KAT14: variants seen among roughly 807,000 people sequenced by gnomAD.
KAT14 encodes the protein lysine acetyltransferase 14.
KAT14 carries 66 observed loss-of-function variants against 78.4 expected under a neutral mutation model. The ratio of observed to expected loss-of-function variants is 0.84; its 90% CI spans 0.69 to 1.03. KAT14 has a LOEUF of 1.03. KAT14 is among the 50% of genes least tolerant of loss of function. The pLI is 0.00. For missense variants in KAT14, 870 were observed against 972.5 expected (o/e 0.89, Z 1.40); for synonymous variants, 344 against 359.4 (o/e 0.96, Z 0.48).
chr20:18,181,754 G>A lies in KAT14; in HGVS notation c.1713G>A (p.Lys571=), dbSNP rs201959009. The A allele has an allele frequency of 3.1e-6, 5 of 1,614,190 alleles. No homozygotes were observed. The African/African-American group carries it at 6.7e-5, about 22-fold the overall frequency. The stretch of plus-strand genomic sequence containing the variant: ...AGGGATTTCGACACCAGACCACCAA[G>A]TTTTTGTATCGCTTGGTAGGATCAG... The part of the protein sequence containing the change: ...SRKGFRHQTT[K]FLYRLVGSED... The change falls in exon 8 of 11, where the codon AAG becomes AAA. Residue 571 remains lysine, a synonymous_variant. Transcript: ENST00000688188.
chr20:18,143,352 G>A (rs2037663077), intron 2 of KAT14, among the ~76,000 whole-genome samples: 1 of 152,010 alleles, frequency 6.6e-6, no homozygotes, highest in East Asian at 1.9e-4. Context: ...GCAGATTGAA[G>A]GTGTTTTTTG....
At chr20:18,143,378 C>G (rs1406712062) in intron 2 of KAT14, among the ~76,000 whole-genome samples, 1 of 151,940 alleles carries the variant, frequency 6.6e-6, no homozygotes, top group Non-Finnish European at 1.5e-5. Flanking sequence ...TTTCTAGGAC[C>G]AGTCTTTTTT....
intron 4 of KAT14, among the ~76,000 whole-genome samples, chr20:18,152,492 G>T (rs544534776): frequency 1.3e-5 from 2 of 152,152 alleles, no homozygotes; most frequent in South Asian, 2.1e-4. Context: ...CAGGAGAATC[G>T]CTTGAACCTG....
Position 18,161,703 on chromosome 20 carries a change from T to C in KAT14, c.683-120T>C, listed in dbSNP as rs552656599. The stretch of plus-strand genomic sequence containing the variant: ...TTTTGTATTTCTGGGTTTGGGATAC[T>C]CAGCCAATAAGTAAAATGCAAATAT... On this transcript the variant is annotated intron_variant, in intron 5 of 10. Coordinates refer to ENST00000688188, the MANE Select transcript of KAT14 (RefSeq NM_001392073.1). The C allele has an allele frequency of 3.1e-5, 42 of 1,373,238 alleles. No individual in the cohort carries two copies. The African/African-American group carries it at 5.3e-4, about 17-fold the overall frequency. 85.1% of individuals were successfully genotyped at this position (1,373,238 alleles called of 1,614,324 possible).
In KAT14 at chr20:18,187,584, C is replaced by G; in HGVS notation, c.*125C>G. The G allele has an allele frequency of 8.2e-6, 12 of 1,469,622 alleles. No individual in the cohort carries two copies. The highest frequency in any genetic ancestry group is 1.0e-5 in the Non-Finnish European group (11 of 1,101,798). 91.0% of individuals were successfully genotyped at this position (1,469,622 alleles called of 1,614,324 possible). A position where few individuals can be genotyped will look rare whatever the true frequency, so the allele number is the denominator to read the frequency against. ...GTGATTACATGGTCCTTCAAACTCCCAACCAAAGTGAGAAAAGCGGCATGC... is the reference window on the plus strand; with the variant it reads ...GTGATTACATGGTCCTTCAAACTCCGAACCAAAGTGAGAAAAGCGGCATGC... On this transcript the variant is annotated 3_prime_UTR_variant, in exon 11 of 11. Coordinates refer to ENST00000688188, the MANE Select transcript of KAT14 (RefSeq NM_001392073.1).
Position 18,145,371 on chromosome 20 carries a change from C to A in KAT14, c.378+20C>A. 2 of 1,613,366 alleles carry A rather than the reference C, an allele frequency of 1.2e-6. No individual in the cohort carries two copies. The highest frequency in any genetic ancestry group is 1.7e-6 in the Non-Finnish European group (2 of 1,179,732). On this transcript the variant is annotated intron_variant, in intron 3 of 10. Transcript: ENST00000688188. Reference sequence around the variant, plus strand: ...CAGCAAGTGAGTAAAAAGCCCTTCCCCAAATCCATGAGGGTGGTTCCCCCA... The same window carrying A: ...CAGCAAGTGAGTAAAAAGCCCTTCCACAAATCCATGAGGGTGGTTCCCCCA...
chr20:18,172,655 C>G (rs1172085377), intron 7 of KAT14, among the ~76,000 whole-genome samples: 1 of 152,242 alleles, frequency 6.6e-6, no homozygotes, highest in Admixed American at 6.5e-5. Flanking sequence ...TGGTCTGGCA[C>G]TGATCCTGCA....
intron 3 of KAT14, among the ~76,000 whole-genome samples, chr20:18,149,369 T>C (rs573610670): frequency 2.8e-4 from 43 of 152,330 alleles, no homozygotes; most frequent in African/African-American, 9.9e-4. Context: ...TAACTTCCCA[T>C]GAATATTGAT....
chr20:18,138,308 C>T (rs1164886647), intron 1 of KAT14: 1 of 1,179,476 alleles, frequency 8.5e-7, no homozygotes, highest in Non-Finnish European at 1.0e-6. Context: ...TTTGGAGCTC[C>T]GCGCTGAAGG....
At chr20:18,163,212 C>G (rs778238074) in intron 7 of KAT14, among the ~76,000 whole-genome samples, 2 of 152,174 alleles carry the variant, frequency 1.3e-5, no homozygotes, top group Non-Finnish European at 2.9e-5. Context: ...ATCTGTCTCT[C>G]TTGTCTCTCT....
In KAT14 at chr20:18,168,233, A is replaced by G. The variant is rs111383814; in HGVS notation, c.1668+5288A>G. ...CCTGAGAACCCCGGTACTGATAAGA[A>G]ATAGAAATTTTTGACTGGGCTCAGT... On this transcript the variant is annotated intron_variant, in intron 7 of 10. Coordinates refer to ENST00000688188, the MANE Select transcript of KAT14 (RefSeq NM_001392073.1). Among the ~76,000 whole-genome samples the G allele has an allele frequency of 7.9e-5, 12 of 152,350 alleles. 1 individual carries two copies. Among genetic ancestry groups the G allele is most frequent in the African/African-American group, 2.6e-4 (11 of 41,588 alleles).
At chr20:18,166,341 G>A (rs1169073783) in intron 7 of KAT14, among the ~76,000 whole-genome samples, 1 of 152,200 alleles carries the variant, frequency 6.6e-6, no homozygotes, top group Non-Finnish European at 1.5e-5. Flanking sequence ...ATAGGTAAGT[G>A]CAGGGAAGAA....
intron 3 of KAT14, among the ~76,000 whole-genome samples, chr20:18,146,579 A>G (rs935042680): frequency 6.6e-6 from 1 of 152,214 alleles, no homozygotes; most frequent in African/African-American, 2.4e-5. Flanking sequence ...GAATTGCTTG[A>G]ACCCAGGAGG....
intron 2 of KAT14, among the ~76,000 whole-genome samples, chr20:18,143,552 C>T (rs1374289766): frequency 1.3e-5 from 2 of 150,338 alleles, no homozygotes; most frequent in East Asian, 3.9e-4. Flanking sequence ...TGGGTTCAAG[C>T]GATTCTCCTG....
chr20:18,187,601 G>A lies in KAT14; in HGVS notation c.*142G>A, dbSNP rs951883468. On this transcript the variant is annotated 3_prime_UTR_variant, in exon 11 of 11. Coordinates refer to ENST00000688188, the MANE Select transcript of KAT14 (RefSeq NM_001392073.1). The stretch of plus-strand genomic sequence containing the variant: ...CAAACTCCCAACCAAAGTGAGAAAA[G>A]CGGCATGCAGTGAAATGAGCAGTGA... 2 of 1,391,450 alleles carry A rather than the reference G, an allele frequency of 1.4e-6. No homozygotes were observed. The highest frequency in any genetic ancestry group is 1.9e-6 in the Non-Finnish European group (2 of 1,043,742). The allele number at this position is 1,391,450 out of a possible 1,614,324, so 86.2% of individuals were successfully genotyped here. A position where few individuals can be genotyped will look rare whatever the true frequency, so the allele number is the denominator to read the frequency against.
In KAT14 at chr20:18,187,646, G is replaced by A. The variant is rs1600245532; in HGVS notation, c.*187G>A. On this transcript the variant is annotated 3_prime_UTR_variant, in exon 11 of 11. Transcript: ENST00000688188. ...CAGTGAGCAGCCCTTTAGCAAAATC[G>A]CCCTCCAGTCCTTCCTGGAGATGCC... is the stretch of plus-strand genomic sequence containing the variant. The A allele has an allele frequency of 8.1e-6, 7 of 859,852 alleles. No individual in the cohort carries two copies. Among genetic ancestry groups the A allele is most frequent in the Non-Finnish European group, 1.0e-5 (6 of 593,062 alleles). The allele number at this position is 859,852 out of a possible 1,614,324, so 53.3% of individuals were successfully genotyped here.
At chr20:18,175,363 G>C (rs2038999437) in intron 7 of KAT14, among the ~76,000 whole-genome samples, 1 of 152,154 alleles carries the variant, frequency 6.6e-6, no homozygotes, top group South Asian at 2.1e-4. Flanking sequence ...TGGCAAAGTT[G>C]ATTGGCAGCG....
At chr20:18,179,773 CTTTTCT>C (rs2039181533) in intron 7 of KAT14, among the ~76,000 whole-genome samples, 1 of 152,136 alleles carries the variant, frequency 6.6e-6, no homozygotes, top group African/African-American at 2.4e-5. Context: ...ATAGGTTTTT[CTTTTCT>C]ACTGCATTGT....
chr20:18,149,154 T>C (rs2037944749), intron 3 of KAT14, among the ~76,000 whole-genome samples: 1 of 152,184 alleles, frequency 6.6e-6, no homozygotes, highest in African/African-American at 2.4e-5. Context: ...TGGGCAAAGC[T>C]CGTTCTATGA....
Sources: gnomAD v4.1 joint callset for allele counts (sites outside exome capture counted in the v4.1 genomes callset) on GRCh38, gnomAD v4.1.1 for gene constraint, MANE v1.5 for transcripts, NCBI Gene and HGNC (gene_info 2026-07-23, HGNC 2026-07-21) for gene names.